TMEM120A: variants seen among roughly 807,000 people sequenced by gnomAD.
The protein encoded by TMEM120A is ion channel TACAN.
TMEM120A carries 45 observed loss-of-function variants against 54.3 expected under a neutral mutation model. The observed-to-expected ratio is 0.83, with a 90% confidence interval of 0.65 to 1.06. The LOEUF is 1.06. Ranked by LOEUF, TMEM120A falls within the 50% of genes least tolerant of loss-of-function variation. The pLI is 0.00. For missense variants in TMEM120A, 424 were observed against 441.7 expected (o/e 0.96, Z 0.36); for synonymous variants, 204 against 178.5 (o/e 1.14, Z -1.14).
At position 75,986,951 on chromosome 7, in the gene TMEM120A, C is replaced by A. The variant is rs139442187; in HGVS notation, c.*221G>T. 2 of 601,438 alleles carry A rather than the reference C, an allele frequency of 3.3e-6. No homozygotes were observed. The highest frequency in any genetic ancestry group is 3.7e-5 in the African/African-American group (2 of 53,946). 37.3% of individuals were successfully genotyped at this position (601,438 alleles called of 1,614,324 possible). On this transcript the variant is annotated 3_prime_UTR_variant, in exon 12 of 12. Transcript: ENST00000493111. Reference sequence around the variant, plus strand: ...ACCCATGTGGTGGGGCCACCCAGCCCTCCCCTCCCCCAGGAGAACACACAC... The same window carrying A: ...ACCCATGTGGTGGGGCCACCCAGCCATCCCCTCCCCCAGGAGAACACACAC...
Position 75,994,595 on chromosome 7 carries a change from T to A in TMEM120A, c.-25A>T, listed in dbSNP as rs782288318. The A allele has an allele frequency of 1.3e-6, 2 of 1,501,204 alleles. No homozygotes were observed. Among genetic ancestry groups the A allele is most frequent in the Admixed American group, 2.2e-5 (1 of 44,770 alleles). The allele number at this position is 1,501,204 out of a possible 1,614,324, so 93.0% of individuals were successfully genotyped here. A position where few individuals can be genotyped will look rare whatever the true frequency, so the allele number is the denominator to read the frequency against. ...TGGCTGCAGCGCCAGTAGCCAGTAGTGGAGGACGGCGCAGCAACCCCGGCC... is the reference window on the plus strand; with the variant it reads ...TGGCTGCAGCGCCAGTAGCCAGTAGAGGAGGACGGCGCAGCAACCCCGGCC... On this transcript the variant is annotated 5_prime_UTR_variant, in exon 1 of 12. Transcript: ENST00000493111.
In TMEM120A at chr7:75,988,139, G is replaced by T. The variant is rs1789620242; in HGVS notation, c.573C>A (p.Gly191=). 1 of 1,610,526 alleles carries T rather than the reference G, an allele frequency of 6.2e-7. No homozygotes were observed. The highest frequency in any genetic ancestry group is 8.5e-7 in the Non-Finnish European group (1 of 1,179,018). The change falls in exon 7 of 12, where the codon GGC becomes GGA. Residue 191 remains glycine (G), a synonymous_variant. Transcript: ENST00000493111. ...ACACGTAGTGATGGAACACCCACCA[G>T]CCTTTGATCCTGGAGCAGAGAGCCA... The part of the protein sequence containing the change: ...ILINNGSRIK[G]WWVFHHYVST...
At chr7:75,991,414 T>C (rs1789840243) in intron 3 of TMEM120A, among the ~76,000 whole-genome samples, 3 of 152,112 alleles carry the variant, frequency 2.0e-5, no homozygotes, top group African/African-American at 7.2e-5. Flanking sequence ...TATTTACTTA[T>C]TTATTTTTTA....
intron 3 of TMEM120A, among the ~76,000 whole-genome samples, chr7:75,991,316 G>A (rs530800440): frequency 2.6e-5 from 4 of 152,130 alleles, no homozygotes; most frequent in South Asian, 2.1e-4. Context: ...CTCCCGCCCC[G>A]ACCTCTGGCC....
chr7:75,989,263 G>A, intron 3 of TMEM120A, 39 bp from the exon 4 acceptor site: 3 of 1,371,268 alleles, frequency 2.2e-6, no homozygotes, highest in South Asian at 1.2e-5. Flanking sequence ...AAGCCCGAGT[G>A]ACAGACAAGC....
chr7:75,987,292 G>A lies in TMEM120A; in HGVS notation c.919-7C>T. On this transcript the variant is annotated splice_polypyrimidine_tract_variant and splice_region_variant and intron_variant, in intron 11 of 11. Transcript: ENST00000493111. Reference sequence around the variant, plus strand: ...GAAAGCCGCACATAAGCACCTGCCGGAGGAATAGGGTGAGGGCTGGACATG... The same window carrying A: ...GAAAGCCGCACATAAGCACCTGCCGAAGGAATAGGGTGAGGGCTGGACATG... 6.3e-7 allele frequency: 1 copy of A among 1,590,608 alleles called. No homozygotes were observed. Among genetic ancestry groups the A allele is most frequent in the Non-Finnish European group, 8.6e-7 (1 of 1,169,542 alleles).
chr7:75,987,290 C>T lies in TMEM120A; in HGVS notation c.919-5G>A, dbSNP rs142753908. Reference sequence around the variant, plus strand: ...GGGAAAGCCGCACATAAGCACCTGCCGGAGGAATAGGGTGAGGGCTGGACA... The same window carrying T: ...GGGAAAGCCGCACATAAGCACCTGCTGGAGGAATAGGGTGAGGGCTGGACA... On this transcript the variant is annotated splice_polypyrimidine_tract_variant and splice_region_variant and intron_variant, in intron 11 of 11. Coordinates refer to ENST00000493111, the MANE Select transcript of TMEM120A (RefSeq NM_031925.3). 6.6e-5 allele frequency: 105 copies of T among 1,592,570 alleles called. No individual in the cohort carries two copies. The highest frequency in any genetic ancestry group is 1.7e-4 in the Middle Eastern group (1 of 6,036).
intron 3 of TMEM120A, among the ~76,000 whole-genome samples, chr7:75,991,753 C>G (rs1459789502): frequency 2.0e-5 from 3 of 152,280 alleles, no homozygotes; most frequent in Admixed American, 6.5e-5. Context: ...GTATGTCACC[C>G]AGGCTGGTCT....
chr7:75,992,395 C>A (rs1464630426), intron 2 of TMEM120A, 44 bp downstream of exon 2: 1 of 1,574,578 alleles, frequency 6.4e-7, no homozygotes, highest in Non-Finnish European at 8.7e-7. Context: ...CCAGCCCTCC[C>A]ACCCCACACT....
intron 1 of TMEM120A, 34 bp from the exon 2 acceptor site, chr7:75,992,591 G>T (rs1789891674): frequency 2.7e-6 from 4 of 1,493,276 alleles, no homozygotes; most frequent in South Asian, 2.4e-5. Flanking sequence ...CAGGCCAGTT[G>T]GGGAGCTACT....
intron 3 of TMEM120A, among the ~76,000 whole-genome samples, chr7:75,991,827 G>A (rs7798298): frequency 0.87 from 131,804 of 152,080 alleles, 57,343 homozygotes; most frequent in Non-Finnish European, 0.9. Flanking sequence ...TTACAGGTGA[G>A]AGCCACCACG....
At position 75,992,577 on chromosome 7, in the gene TMEM120A, GGC is replaced by G. The variant is rs1409093562; in HGVS notation, c.82-22_82-21del. The G allele has an allele frequency of 1.0e-5, 16 of 1,535,336 alleles. No homozygotes were observed. In the East Asian group the frequency reaches 3.9e-4, roughly 37 times the overall value. On this transcript the variant is annotated intron_variant, in intron 1 of 11. Coordinates refer to ENST00000493111, the MANE Select transcript of TMEM120A (RefSeq NM_031925.3). ...GGTCTCCTGGGGGCCGGAGGGGAGA[GGC>G]TCAGGCCAGTTGGGGAGCTACTGAG...
intron 3 of TMEM120A, among the ~76,000 whole-genome samples, chr7:75,990,848 G>A (rs1554561689): frequency 6.9e-6 from 1 of 144,662 alleles, no homozygotes; most frequent in African/African-American, 2.6e-5. Flanking sequence ...GCAGTGAGCC[G>A]AGATCAAGTG....
rs1554561181 is a variant in TMEM120A at position 75,989,056 on chromosome 7, GGGTTCC to G, written c.377+103_377+108del. 1,524 of 352,692 alleles carry G rather than the reference GGGTTCC, an allele frequency of 4.3e-3. 72 individuals are homozygous for G. Among genetic ancestry groups the G allele is most frequent in the African/African-American group, 7.3e-3 (189 of 25,812 alleles). 21.8% of individuals were successfully genotyped at this position (352,692 alleles called of 1,614,324 possible). Reference sequence around the variant, plus strand: ...GGGTTGGGGGGTGGAGGGGAAGGCCGGGTTCCGGGGGAAGGCTGGGTGGAGGGGTGG... The same window carrying G: ...GGGTTGGGGGGTGGAGGGGAAGGCCGGGGGGAAGGCTGGGTGGAGGGGTGG... On this transcript the variant is annotated intron_variant, in intron 4 of 11. Transcript: ENST00000493111.
chr7:75,993,016 G>T (rs1221314104), intron 1 of TMEM120A, among the ~76,000 whole-genome samples: 1 of 152,208 alleles, frequency 6.6e-6, no homozygotes, highest in Non-Finnish European at 1.5e-5. Flanking sequence ...TGGCCAGGCT[G>T]GTCTTGAACT....
At chr7:75,988,366 T>G in intron 5 of TMEM120A, 25 bp from the exon 6 acceptor site, 2 of 1,580,020 alleles carry the variant, frequency 1.3e-6, no homozygotes, top group Non-Finnish European at 1.7e-6. Flanking sequence ...GACCGAGGGT[T>G]GGTACTGCAG....
At chr7:75,990,386 G>T (rs574517641) in intron 3 of TMEM120A, among the ~76,000 whole-genome samples, 1 of 151,952 alleles carries the variant, frequency 6.6e-6, no homozygotes, top group Non-Finnish European at 1.5e-5. Context: ...AGCCCTTCTC[G>T]CTCTCCCCAG....
At chr7:75,988,397 C>G (rs1554560729) in intron 5 of TMEM120A, 24 bp downstream of exon 5, 1 of 1,610,710 alleles carries the variant, frequency 6.2e-7, no homozygotes, top group South Asian at 1.1e-5. Flanking sequence ...TGGGGTGGGT[C>G]CTCGGCCGGG....
rs782065798 is a variant in TMEM120A at position 75,987,384 on chromosome 7, C to A, written c.894G>T (p.Gln298His). The change falls in exon 11 of 12, where the codon CAG becomes CAT. Residue 298 changes from glutamine to histidine, a missense_variant. Coordinates refer to ENST00000493111, the MANE Select transcript of TMEM120A (RefSeq NM_031925.3). ...CCTGCCACTCCTTGCACTGAGGGTC[C>A]TGGGCCAGGTTGAACAACGTCAGCG... ...FNALTLFNLA[Q>H]DPQCKEWQVL... 8 of 1,566,686 alleles carry A rather than the reference C, an allele frequency of 5.1e-6. No homozygotes were observed. In the Admixed American group the frequency reaches 1.3e-4, roughly 26 times the overall value.
Sources: allele counts gnomAD v4.1 joint callset (sites outside exome capture counted in the v4.1 genomes callset), GRCh38; gene constraint gnomAD v4.1.1; transcripts MANE v1.5; gene names NCBI Gene and HGNC (gene_info 2026-07-23, HGNC 2026-07-21).